The following GRIN2A variants were observed in gnomAD, a reference collection of about 807,000 sequenced individuals.
GRIN2A encodes glutamate receptor ionotropic, NMDA 2A.
GRIN2A carries 22 observed loss-of-function variants against 113.4 expected under a neutral mutation model. The ratio of observed to expected loss-of-function variants is 0.19; its 90% confidence interval spans 0.14 to 0.28. GRIN2A has a LOEUF of 0.28. Ranked by LOEUF, GRIN2A falls within the 10% of genes least tolerant of loss-of-function variation. The pLI is 1.00. For missense variants in GRIN2A, 1,502 were observed against 1,887.0 expected, an observed-to-expected ratio of 0.80 and a Z score of 3.78; for synonymous variants, 827 against 738.4, an observed-to-expected ratio of 1.12 and a Z score of -1.94.
At chr16:9,951,745 A>G (rs1414649479) in intron 2 of GRIN2A, among the ~76,000 whole-genome samples, 1 of 152,204 alleles carries the variant, frequency 6.6e-6, no homozygotes, top group African/African-American at 2.4e-5. Context: ...AAAGTGTCCA[A>G]ATTACTATTT....
chr16:10,042,517 A>G (rs1437027174), intron 2 of GRIN2A, among the ~76,000 whole-genome samples: 1 of 152,194 alleles, frequency 6.6e-6, no homozygotes, highest in Non-Finnish European at 1.5e-5. Flanking sequence ...TGTACTGACC[A>G]CAGCCTCACA....
At chr16:9,786,127 A>G (rs950181762) in intron 11 of GRIN2A, among the ~76,000 whole-genome samples, 2 of 152,210 alleles carry the variant, frequency 1.3e-5, no homozygotes, top group African/African-American at 2.4e-5. Flanking sequence ...CACGTTTAGC[A>G]AGGAACAATA....
In GRIN2A at chr16:9,762,523, C is replaced by T. The variant is rs1296294256; in HGVS notation, c.*626G>A. On this transcript the variant is annotated 3_prime_UTR_variant, in exon 13 of 13. Coordinates refer to ENST00000330684, the MANE Select transcript of GRIN2A (RefSeq NM_001134407.3). ...TGAACTATAATGAAGGTAGCACAGT[C>T]ATCACGAACACACTGATTTGCTATT... is the stretch of plus-strand genomic sequence containing the variant. 8.8e-6 allele frequency: 2 copies of T among 226,520 alleles called. No individual in the cohort carries two copies. The highest frequency in any genetic ancestry group is 1.3e-4 in the East Asian group (2 of 15,442). 14.0% of individuals were successfully genotyped at this position (226,520 alleles called of 1,614,324 possible).
chr16:9,987,202 A>G (rs534975695), intron 2 of GRIN2A, among the ~76,000 whole-genome samples: 1 of 152,254 alleles, frequency 6.6e-6, no homozygotes, highest in Non-Finnish European at 1.5e-5. Context: ...ATGAAAAAAC[A>G]GAATCTAACC....
intron 4 of GRIN2A, among the ~76,000 whole-genome samples, chr16:9,863,898 T>C (rs2043115419): frequency 6.6e-6 from 1 of 152,142 alleles, no homozygotes; most frequent in Non-Finnish European, 1.5e-5. Flanking sequence ...AAAACTAGAA[T>C]GCATATAGGT....
At position 9,990,561 on chromosome 16, in the gene GRIN2A, G is replaced by GCACACACA. The variant is rs776273740; in HGVS notation, c.415-52011_415-52010insTGTGTGTG. ...TCTCTCTACACGCGCGCGCGCGCGC[G>GCACACACA]CGCACACACACACACACACACACAC... On this transcript the variant is annotated intron_variant, in intron 2 of 12. Coordinates refer to ENST00000330684, the MANE Select transcript of GRIN2A (RefSeq NM_001134407.3). Among the ~76,000 whole-genome samples, 76 of 128,738 alleles carry GCACACACA rather than the reference G, an allele frequency of 5.9e-4. 1 individual carries two copies. The highest frequency in any genetic ancestry group is 8.2e-3 in the Middle Eastern group (2 of 244). The allele number at this position is 128,738 out of a possible 152,430, so 84.5% of individuals were successfully genotyped here.
At chr16:9,873,140 A>G (rs2043298567) in intron 4 of GRIN2A, among the ~76,000 whole-genome samples, 1 of 152,218 alleles carries the variant, frequency 6.6e-6, no homozygotes, top group Non-Finnish European at 1.5e-5. Context: ...GCATACAGTT[A>G]GATGCAGAAT....
intron 5 of GRIN2A, 78 bp from the exon 6 acceptor site, chr16:9,841,182 T>C (rs1310928567): frequency 4.8e-6 from 6 of 1,238,738 alleles, no homozygotes; most frequent in African/African-American, 1.5e-5. Flanking sequence ...ACTCTTCTCC[T>C]ATTTTTCAGA....
At chr16:9,980,294 C>T (rs1172312917) in intron 2 of GRIN2A, among the ~76,000 whole-genome samples, 2 of 151,740 alleles carry the variant, frequency 1.3e-5, no homozygotes, top group African/African-American at 2.4e-5. Context: ...GTGATACCAT[C>T]TCATACCAGT....
intron 2 of GRIN2A, among the ~76,000 whole-genome samples, chr16:10,072,836 G>A (rs2047784082): frequency 6.6e-6 from 1 of 151,786 alleles, no homozygotes; most frequent in Non-Finnish European, 1.5e-5. Flanking sequence ...GGACACTAGA[G>A]AATAGAGAGT....
chr16:9,921,532 A>G (rs907849596), intron 3 of GRIN2A, among the ~76,000 whole-genome samples: 2 of 152,196 alleles, frequency 1.3e-5, no homozygotes, highest in Admixed American at 6.5e-5. Context: ...AATAGAAATA[A>G]CACTACTACT....
intron 10 of GRIN2A, among the ~76,000 whole-genome samples, chr16:9,816,400 G>A (rs2042186142): frequency 6.6e-6 from 1 of 152,210 alleles, no homozygotes; most frequent in African/African-American, 2.4e-5. Context: ...AAATCGCACA[G>A]GGGACTGGGG....
intron 2 of GRIN2A, among the ~76,000 whole-genome samples, chr16:10,009,142 T>C (rs1314090968): frequency 2.0e-5 from 3 of 152,174 alleles, no homozygotes; most frequent in African/African-American, 7.2e-5. Flanking sequence ...ATAAAGAAGG[T>C]GATTTTGAAA....
In GRIN2A at chr16:9,763,569, G is replaced by A. The variant is rs545080350; in HGVS notation, c.3975C>T (p.Tyr1325=). ...DRERLLEGNF[Y]GSLFSVPSSK... is the part of the protein sequence containing the mutation. ...TTGAGGGGACACTAAACAGGCTGCC[G>A]TAAAAATTTCCCTCCAGAAGCCGTT... The change falls in exon 13 of 13, where the codon TAC becomes TAT. Residue 1325 remains tyrosine, a synonymous_variant. Transcript: ENST00000330684. 8.7e-6 allele frequency: 14 copies of A among 1,613,836 alleles called. No individual in the cohort carries two copies. Among genetic ancestry groups the A allele is most frequent in the East Asian group, 4.5e-5 (2 of 44,864 alleles).
At chr16:10,028,657 T>C (rs1868286) in intron 2 of GRIN2A, among the ~76,000 whole-genome samples, 120,100 of 152,138 alleles carry the variant, frequency 0.79, 48,119 homozygotes, top group Non-Finnish European at 0.85. Flanking sequence ...TACCCACCAT[T>C]GGACCATCAG....
chr16:10,094,880 C>A (rs2048255584), intron 2 of GRIN2A, among the ~76,000 whole-genome samples: 1 of 43,984 alleles, frequency 2.3e-5, no homozygotes, highest in Non-Finnish European at 4.4e-5. Flanking sequence ...AGGGAATGTG[C>A]ACCAAAAAAA....
At chr16:10,110,951 T>C (rs2048601826) in intron 2 of GRIN2A, among the ~76,000 whole-genome samples, 1 of 152,200 alleles carries the variant, frequency 6.6e-6, no homozygotes, top group South Asian at 2.1e-4. Context: ...TATTCAGGGA[T>C]GTATGTGTTA....
At chr16:9,967,116 G>A (rs957743681) in intron 2 of GRIN2A, among the ~76,000 whole-genome samples, 2 of 152,124 alleles carry the variant, frequency 1.3e-5, no homozygotes, top group African/African-American at 4.8e-5. Flanking sequence ...TTGAAATTTG[G>A]GGTGAATTCT....
chr16:9,906,772 A>T (rs115784798), intron 3 of GRIN2A, among the ~76,000 whole-genome samples: 1,899 of 152,288 alleles, frequency 0.012, 57 homozygotes, highest in African/African-American at 0.044. Context: ...CCAATAAATC[A>T]TTTTGCACTT....
Sources: gnomAD v4.1 joint callset for allele counts (sites outside exome capture counted in the v4.1 genomes callset) on GRCh38, gnomAD v4.1.1 for gene constraint, MANE v1.5 for transcripts, NCBI Gene and HGNC (gene_info 2026-07-23, HGNC 2026-07-21) for gene names.